Variants in THSD7B observed in about 807,000 individuals in gnomAD.
THSD7B encodes thrombospondin type-1 domain-containing protein 7B.
A neutral mutation model predicts 213.6 loss-of-function variants in THSD7B; 138 were observed. The ratio of observed to expected loss-of-function variants is 0.65; its 90% CI spans 0.56 to 0.74. THSD7B has a LOEUF of 0.74. THSD7B is among the 30% of genes least tolerant of loss of function. The probability of loss-of-function intolerance (pLI) is 0.00; values close to 1 mark genes in which losing one functional copy is unlikely to be tolerated. For missense variants in THSD7B, 1,931 were observed against 1,991.5 expected (o/e 0.97, Z 0.58); for synonymous variants, 742 against 687.0 (o/e 1.08, Z -1.25).
At chr2:137,285,897 A>C (rs1683162776) in intron 12 of THSD7B, among the ~76,000 whole-genome samples, 1 of 151,962 alleles carries the variant, frequency 6.6e-6, no homozygotes, top group African/African-American at 2.4e-5. Context: ...TGAGGTCAGG[A>C]GTTCGAGACC....
intron 12 of THSD7B, among the ~76,000 whole-genome samples, chr2:137,313,711 A>T (rs1269183045): frequency 1.3e-5 from 2 of 152,034 alleles, no homozygotes; most frequent in Non-Finnish European, 2.9e-5. Context: ...GGTGGTGACA[A>T]AATCTCTCAG....
At chr2:137,398,422 T>A (rs558279649) in intron 12 of THSD7B, among the ~76,000 whole-genome samples, 2 of 146,650 alleles carry the variant, frequency 1.4e-5, no homozygotes, top group Admixed American at 1.4e-4. Flanking sequence ...AATACCCTGC[T>A]GTGTGAGGTG....
At chr2:136,935,097 T>G (rs1467934796) in intron 2 of THSD7B, among the ~76,000 whole-genome samples, 2 of 152,172 alleles carry the variant, frequency 1.3e-5, no homozygotes, top group Non-Finnish European at 2.9e-5. Flanking sequence ...CAAAGGCAAT[T>G]AGAGGTTCAT....
intron 2 of THSD7B, among the ~76,000 whole-genome samples, chr2:137,009,245 A>T (rs1291841437): frequency 6.6e-6 from 1 of 152,168 alleles, no homozygotes; most frequent in Non-Finnish European, 1.5e-5. Flanking sequence ...CTTATCATAT[A>T]CTATTGTCGT....
chr2:137,479,947 G>C (rs924575199), intron 15 of THSD7B, among the ~76,000 whole-genome samples: 1 of 151,450 alleles, frequency 6.6e-6, no homozygotes, highest in African/African-American at 2.4e-5. Flanking sequence ...ATGAAGGTCA[G>C]GGGGTCTCCC....
At chr2:137,256,662 AC>A (rs1378977407) in intron 10 of THSD7B, among the ~76,000 whole-genome samples, 2 of 152,190 alleles carry the variant, frequency 1.3e-5, no homozygotes, top group African/African-American at 4.8e-5. Flanking sequence ...TTAAATTTTA[AC>A]CATGAGTGTG....
At chr2:136,904,096 C>G (rs1013410213) in intron 2 of THSD7B, among the ~76,000 whole-genome samples, 23 of 152,062 alleles carry the variant, frequency 1.5e-4, no homozygotes, top group African/African-American at 5.1e-4. Context: ...TAAGAGGAGG[C>G]CTTTTATGGG....
chr2:137,505,590 C>T (rs1029164357), intron 15 of THSD7B, among the ~76,000 whole-genome samples: 28 of 152,314 alleles, frequency 1.8e-4, no homozygotes, highest in East Asian at 7.7e-4. Context: ...CAACATTCTG[C>T]GAACGGAGTC....
intron 12 of THSD7B, among the ~76,000 whole-genome samples, chr2:137,330,239 G>C (rs1684470358): frequency 6.6e-6 from 1 of 152,130 alleles, no homozygotes; most frequent in Non-Finnish European, 1.5e-5. Flanking sequence ...GGGAAACATG[G>C]GGTCAGAACC....
At chr2:137,269,685 T>G (rs1573923671) in intron 10 of THSD7B, among the ~76,000 whole-genome samples, 2 of 152,160 alleles carry the variant, frequency 1.3e-5, no homozygotes, top group East Asian at 3.9e-4. Context: ...AAGAGACTTT[T>G]TCCTAAAGGC....
In THSD7B at chr2:137,231,036, G is replaced by C; in HGVS notation, c.1724-8G>C. 1 of 1,612,068 alleles carries C rather than the reference G, an allele frequency of 6.2e-7. No individual in the cohort carries two copies. Among genetic ancestry groups the C allele is most frequent in the Non-Finnish European group, 8.5e-7 (1 of 1,179,238 alleles). ...AATCACCAACTGTCTTGATCTTGTTGATTGTAGGAGAAGATGTATCAGGGA... is the reference window on the plus strand; with the variant it reads ...AATCACCAACTGTCTTGATCTTGTTCATTGTAGGAGAAGATGTATCAGGGA... On this transcript the variant is annotated splice_polypyrimidine_tract_variant and splice_region_variant and intron_variant, in intron 7 of 27. Coordinates refer to ENST00000409968, the MANE Select transcript of THSD7B (RefSeq NM_001316349.2).
At chr2:136,989,953 G>A (rs1031833605) in intron 2 of THSD7B, among the ~76,000 whole-genome samples, 2 of 152,188 alleles carry the variant, frequency 1.3e-5, no homozygotes, top group African/African-American at 4.8e-5. Context: ...TTCTTAACTT[G>A]ATGCTTTCTT....
At chr2:136,899,224 C>T (rs971314089) in intron 2 of THSD7B, among the ~76,000 whole-genome samples, 2 of 152,118 alleles carry the variant, frequency 1.3e-5, no homozygotes, top group African/African-American at 4.8e-5. Context: ...TTTTAAGATC[C>T]ACCTTGTAGG....
chr2:137,161,138 A>G (rs923972137), intron 6 of THSD7B, among the ~76,000 whole-genome samples: 2 of 152,058 alleles, frequency 1.3e-5, no homozygotes, highest in South Asian at 2.1e-4. Flanking sequence ...TTCAACCTTT[A>G]TATTCCTGTT....
chr2:137,454,420 GTCTGTCTATCTATCTATCTA>G (rs1398592059), intron 15 of THSD7B, among the ~76,000 whole-genome samples: 2 of 129,380 alleles, frequency 1.5e-5, no homozygotes, highest in African/African-American at 5.9e-5. Flanking sequence ...CTGTCTGTCT[GTCTGTCTATCTATCTATCTA>G]TCTATCTATC....
chr2:136,917,612 T>C (rs1470012919), intron 2 of THSD7B, among the ~76,000 whole-genome samples: 1 of 152,192 alleles, frequency 6.6e-6, no homozygotes, highest in African/African-American at 2.4e-5. Flanking sequence ...AGTATACAGA[T>C]TGGGACATAT....
At chr2:137,315,587 T>C (rs1684077495) in intron 12 of THSD7B, among the ~76,000 whole-genome samples, 1 of 151,780 alleles carries the variant, frequency 6.6e-6, no homozygotes, top group South Asian at 2.1e-4. Flanking sequence ...TCTATCAACT[T>C]TTTTTTTTCG....
At chr2:137,454,134 G>A (rs1053952153) in intron 15 of THSD7B, among the ~76,000 whole-genome samples, 1 of 152,082 alleles carries the variant, frequency 6.6e-6, no homozygotes, top group Non-Finnish European at 1.5e-5. Context: ...CCCAGCAATG[G>A]GATTGCTGGA....
chr2:137,010,490 T>C (rs10928586), intron 2 of THSD7B, among the ~76,000 whole-genome samples: 11,096 of 152,316 alleles, frequency 0.073, 447 homozygotes, highest in East Asian at 0.16. Context: ...CATTTTTTTC[T>C]ATATTGGAAG....
Sources: gnomAD v4.1 joint callset for allele counts (sites outside exome capture counted in the v4.1 genomes callset) on GRCh38, gnomAD v4.1.1 for gene constraint, MANE v1.5 for transcripts, NCBI Gene and HGNC (gene_info 2026-07-23, HGNC 2026-07-21) for gene names.